DLGAP2: variants seen among roughly 807,000 people sequenced by gnomAD.
The protein encoded by DLGAP2 is DLG associated protein 2.
In DLGAP2, 26 loss-of-function variants were observed where a neutral mutation model predicts 100.3. The observed-to-expected ratio is 0.26, with a 90% CI of 0.19 to 0.36. DLGAP2 has a LOEUF of 0.36. Among genes scored for constraint, DLGAP2 ranks in the 10% least tolerant of loss-of-function variants. The pLI is 1.00. For missense variants in DLGAP2, 1,858 were observed against 1,453.2 expected (o/e 1.28, Z -4.53); for synonymous variants, 886 against 630.1 (o/e 1.41, Z -6.08).
At chr8:788,186 G>A (rs1043613379) in intron 1 of DLGAP2, among the ~76,000 whole-genome samples, 2 of 152,224 alleles carry the variant, frequency 1.3e-5, no homozygotes, top group Admixed American at 6.5e-5. Context: ...CTGGTACGTC[G>A]CTCCCAAATC....
intron 3 of DLGAP2, among the ~76,000 whole-genome samples, chr8:1,278,574 T>G (rs944113992): frequency 6.6e-6 from 1 of 152,234 alleles, no homozygotes; most frequent in Non-Finnish European, 1.5e-5. Context: ...AAAATTCAGA[T>G]TTTAATAAAA....
intron 3 of DLGAP2, among the ~76,000 whole-genome samples, chr8:1,486,530 C>T (rs1038325093): frequency 6.6e-6 from 1 of 152,176 alleles, no homozygotes; most frequent in Non-Finnish European, 1.5e-5. Flanking sequence ...GTCTGCTGAG[C>T]ACATTCCAAT....
chr8:951,339 A>T (rs938898313), intron 2 of DLGAP2, among the ~76,000 whole-genome samples: 3 of 151,852 alleles, frequency 2.0e-5, no homozygotes, highest in Admixed American at 2.0e-4. Flanking sequence ...TCTGCCTCCC[A>T]GTTCAAGTGA....
chr8:1,313,339 A>G (rs767022808), intron 3 of DLGAP2, among the ~76,000 whole-genome samples: 9 of 152,208 alleles, frequency 5.9e-5, no homozygotes, highest in Non-Finnish European at 1.3e-4. Context: ...ACTTAGAATA[A>G]AAACAAATTT....
intron 2 of DLGAP2, among the ~76,000 whole-genome samples, chr8:1,198,838 T>C (rs1013449151): frequency 2.0e-5 from 3 of 152,202 alleles, no homozygotes; most frequent in Non-Finnish European, 4.4e-5. Context: ...GGGCTAGGCA[T>C]TGGTCTTGGC....
chr8:1,435,331 CG>C (rs1563146052), intron 3 of DLGAP2, among the ~76,000 whole-genome samples: 1 of 152,178 alleles, frequency 6.6e-6, no homozygotes, highest in African/African-American at 2.4e-5. Context: ...CCCACACCGG[CG>C]CTTTGACTAC....
chr8:987,500 A>T (rs1046665670), intron 2 of DLGAP2, among the ~76,000 whole-genome samples: 76 of 152,214 alleles, frequency 5.0e-4, no homozygotes, highest in African/African-American at 1.8e-3. Context: ...GTTCTGCCGG[A>T]CGCCCCCACG....
intron 2 of DLGAP2, among the ~76,000 whole-genome samples, chr8:1,156,236 C>A (rs1319380552): frequency 6.6e-6 from 1 of 152,138 alleles, no homozygotes; most frequent in Non-Finnish European, 1.5e-5. Flanking sequence ...GAACCTGAAA[C>A]CCAGGACCCG....
At chr8:1,173,812 C>G (rs1181738671) in intron 2 of DLGAP2, among the ~76,000 whole-genome samples, 4 of 152,226 alleles carry the variant, frequency 2.6e-5, no homozygotes, top group African/African-American at 4.8e-5. Context: ...GGAAAGGGAA[C>G]TCTCTGACCC....
chr8:953,324 G>C (rs1025279830), intron 2 of DLGAP2, among the ~76,000 whole-genome samples: 1 of 152,064 alleles, frequency 6.6e-6, no homozygotes, highest in Admixed American at 6.6e-5. Flanking sequence ...CTCCCGAGTA[G>C]CTGGGATTAC....
At chr8:762,883 G>A (rs1474080923) in intron 1 of DLGAP2, among the ~76,000 whole-genome samples, 2 of 152,052 alleles carry the variant, frequency 1.3e-5, no homozygotes. Context: ...TCACCATATT[G>A]CTCAGGCTGG....
At chr8:1,589,733 A>G (rs946106569) in intron 6 of DLGAP2, among the ~76,000 whole-genome samples, 2 of 152,206 alleles carry the variant, frequency 1.3e-5, no homozygotes, top group African/African-American at 4.8e-5. Flanking sequence ...CAGTAAGGGA[A>G]TACGTAGAGA....
intron 2 of DLGAP2, among the ~76,000 whole-genome samples, chr8:964,093 C>T (rs995144674): frequency 5.9e-5 from 9 of 152,172 alleles, no homozygotes; most frequent in African/African-American, 1.9e-4. Flanking sequence ...AAAACAAATT[C>T]AAGTCTTATG....
chr8:1,438,521 C>A (rs1216919343), intron 3 of DLGAP2, among the ~76,000 whole-genome samples: 9 of 152,166 alleles, frequency 5.9e-5, no homozygotes, highest in Non-Finnish European at 1.3e-4. Context: ...TGGTGACTCA[C>A]CACTAGCTTT....
At chr8:1,408,408 C>G (rs113011965) in intron 3 of DLGAP2, among the ~76,000 whole-genome samples, 112 of 151,404 alleles carry the variant, frequency 7.4e-4, no homozygotes, top group African/African-American at 2.5e-3. Context: ...TCGCCACAAC[C>G]TGTTAGTTCA....
intron 13 of DLGAP2, among the ~76,000 whole-genome samples, chr8:1,696,863 G>A (rs1359989544): frequency 2.0e-5 from 3 of 152,192 alleles, no homozygotes; most frequent in Admixed American, 2.0e-4. Context: ...CTGCTTTTAT[G>A]AGCTGTGAAG....
intron 2 of DLGAP2, among the ~76,000 whole-genome samples, chr8:928,017 C>T (rs1045076062): frequency 2.0e-5 from 3 of 152,200 alleles, no homozygotes; most frequent in Admixed American, 2.0e-4. Context: ...GGGATGCCGG[C>T]CAGCCATGGG....
At chr8:1,512,440 G>C (rs1008316042) in intron 4 of DLGAP2, among the ~76,000 whole-genome samples, 1 of 152,136 alleles carries the variant, frequency 6.6e-6, no homozygotes, top group Non-Finnish European at 1.5e-5. Context: ...GGTGTCAGCC[G>C]TGGGTGTGGC....
intron 4 of DLGAP2, among the ~76,000 whole-genome samples, chr8:1,521,448 G>C (rs1157433544): frequency 5.5e-5 from 4 of 73,192 alleles, no homozygotes; most frequent in Admixed American, 1.6e-4. Flanking sequence ...CGGGCGGCAG[G>C]TGATATGGGG....
Sources: allele counts gnomAD v4.1 joint callset (sites outside exome capture counted in the v4.1 genomes callset), GRCh38; gene constraint gnomAD v4.1.1; transcripts MANE v1.5; gene names NCBI Gene and HGNC (gene_info 2026-07-23, HGNC 2026-07-21).